Variants in AKAP13 observed in about 807,000 individuals in gnomAD.
The protein encoded by AKAP13 is A-kinase anchor protein 13.
In AKAP13, 80 loss-of-function variants were observed where a neutral mutation model predicts 264.5. The observed-to-expected ratio is 0.30, with a 90% CI of 0.25 to 0.36. The LOEUF is 0.36. AKAP13 is among the 10% of genes least tolerant of loss of function. AKAP13 has a pLI of 1.00. For missense variants in AKAP13, 3,712 were observed against 3,435.2 expected (o/e 1.08, Z -2.01); for synonymous variants, 1,380 against 1,250.2 (o/e 1.10, Z -2.19).
chr15:85,496,877 T>C (rs1567087849), intron 2 of AKAP13, among the ~76,000 whole-genome samples: 2 of 152,238 alleles, frequency 1.3e-5, no homozygotes, highest in Non-Finnish European at 2.9e-5. Context: ...TAGCTTTTGA[T>C]GGTTTTACAG....
chr15:85,521,110 C>T (rs2076807186), intron 2 of AKAP13, among the ~76,000 whole-genome samples: 1 of 152,204 alleles, frequency 6.6e-6, no homozygotes, highest in South Asian at 2.1e-4. Context: ...CTCCCCCTGC[C>T]CCTCCCCTTT....
intron 2 of AKAP13, among the ~76,000 whole-genome samples, chr15:85,520,897 TC>T (rs879394408): frequency 4.6e-5 from 7 of 152,244 alleles, no homozygotes; most frequent in Non-Finnish European, 8.8e-5. Flanking sequence ...GAGCCCAAGC[TC>T]GTCTTCTTTG....
chr15:85,387,241 CAGG>C (rs1228219257), intron 1 of AKAP13, among the ~76,000 whole-genome samples: 1 of 152,006 alleles, frequency 6.6e-6, no homozygotes, highest in Non-Finnish European at 1.5e-5. Context: ...GAGGCTGAGA[CAGG>C]AGAATTGCTT....
intron 8 of AKAP13, among the ~76,000 whole-genome samples, chr15:85,591,378 T>C (rs1004237446): frequency 3.3e-5 from 5 of 152,184 alleles, no homozygotes; most frequent in African/African-American, 1.2e-4. Flanking sequence ...GCATTATACT[T>C]TCATGCTTTT....
intron 18 of AKAP13, among the ~76,000 whole-genome samples, chr15:85,709,176 G>T (rs1721345286): frequency 6.6e-6 from 1 of 152,162 alleles, no homozygotes; most frequent in Non-Finnish European, 1.5e-5. Context: ...AAAACTGGAA[G>T]ATTTATAACC....
chr15:85,684,870 C>G lies in AKAP13; in HGVS notation c.5286C>G (p.Ser1762Arg). The G allele has an allele frequency of 6.2e-7, 1 of 1,613,648 alleles. No homozygotes were observed. Among genetic ancestry groups the G allele is most frequent in the Non-Finnish European group, 8.5e-7 (1 of 1,179,908 alleles). The change falls in exon 16 of 37, where the codon AGC (serine) becomes AGG (arginine). Residue 1762 changes from serine to arginine, a missense_variant. Ser to Arg is a moderately radical substitution (Grantham distance 110, BLOSUM62 -1). Around this residue, in one of 3 missense-constraint regions of AKAP13, gnomAD observed 2,759 missense variants for 2,411.7 expected, o/e 1.14. Coordinates refer to ENST00000394518, the MANE Select transcript of AKAP13 (RefSeq NM_007200.5). ...ATAAAATGTCTAGCAGCAAGAAGAG[C>G]AAAGTGAGTATCACTGTGGGCATTG... ...IKNKMSSSKK[S>R]KEKEKEKDKI...
At chr15:85,693,063 C>A in intron 16 of AKAP13, 2 of 724,850 alleles carry the variant, frequency 2.8e-6, no homozygotes, top group Non-Finnish European at 4.1e-6. Context: ...ACTGTTCCGC[C>A]TGCCCAGTTT....
At chr15:85,495,847 G>A (rs1389089717) in intron 2 of AKAP13, among the ~76,000 whole-genome samples, 1 of 152,124 alleles carries the variant, frequency 6.6e-6, no homozygotes, top group Non-Finnish European at 1.5e-5. Context: ...CTGGGAGGAG[G>A]CAAAACATCC....
At chr15:85,590,918 C>G (rs531891487) in intron 8 of AKAP13, among the ~76,000 whole-genome samples, 2 of 152,316 alleles carry the variant, frequency 1.3e-5, no homozygotes, top group South Asian at 4.1e-4. Flanking sequence ...TTAGTAACTT[C>G]AGATTACAAT....
intron 1 of AKAP13, among the ~76,000 whole-genome samples, chr15:85,403,857 A>AC (rs986346590): frequency 1.1e-4 from 16 of 151,804 alleles, no homozygotes; most frequent in Non-Finnish European, 1.6e-4. Flanking sequence ...CAAAAAAAAA[A>AC]AAAAAAAATC....
At chr15:85,398,664 T>G (rs928734865) in intron 1 of AKAP13, among the ~76,000 whole-genome samples, 2 of 152,144 alleles carry the variant, frequency 1.3e-5, no homozygotes, top group African/African-American at 4.8e-5. Context: ...CAAGCAACTC[T>G]CCTGCCTCAG....
chr15:85,738,422 A>G (rs891977399), intron 33 of AKAP13, among the ~76,000 whole-genome samples: 1 of 151,982 alleles, frequency 6.6e-6, no homozygotes, highest in African/African-American at 2.4e-5. Context: ...GGGGTAAAAA[A>G]TTTTCTCAGA....
chr15:85,397,563 A>G (rs1011535143), intron 1 of AKAP13, among the ~76,000 whole-genome samples: 19 of 152,348 alleles, frequency 1.2e-4, no homozygotes, highest in African/African-American at 4.6e-4. Context: ...CTAATATAAT[A>G]GCTGTCACTT....
chr15:85,498,904 G>A (rs184613987), intron 2 of AKAP13, among the ~76,000 whole-genome samples: 177 of 152,202 alleles, frequency 1.2e-3, no homozygotes, highest in African/African-American at 4.1e-3. Context: ...TTTAAAATAA[G>A]CCCTTCACAT....
At chr15:85,625,516 C>G (rs2081369144) in intron 8 of AKAP13, among the ~76,000 whole-genome samples, 1 of 151,986 alleles carries the variant, frequency 6.6e-6, no homozygotes, top group Non-Finnish European at 1.5e-5. Flanking sequence ...GAACAGGATC[C>G]CTTTAATGAA....
chr15:85,413,397 C>T (rs6497117), intron 1 of AKAP13, among the ~76,000 whole-genome samples: 82,952 of 151,628 alleles, frequency 0.55, 23,500 homozygotes, highest in African/African-American at 0.66. Context: ...GTTCAGTTGT[C>T]GTTGCTTATG....
chr15:85,418,743 A>G (rs183949362), intron 1 of AKAP13, among the ~76,000 whole-genome samples: 1 of 152,360 alleles, frequency 6.6e-6, no homozygotes, highest in East Asian at 1.9e-4. Context: ...GAGATGATGT[A>G]GGTTAAAATA....
At chr15:85,449,391 C>A (rs1053224810) in intron 1 of AKAP13, among the ~76,000 whole-genome samples, 9 of 152,122 alleles carry the variant, frequency 5.9e-5, no homozygotes, top group Non-Finnish European at 1.3e-4. Flanking sequence ...AGTTTGACTT[C>A]CTTTCTTCCT....
intron 1 of AKAP13, among the ~76,000 whole-genome samples, chr15:85,443,213 G>A (rs1486078948): frequency 6.6e-6 from 1 of 150,842 alleles, no homozygotes; most frequent in Admixed American, 6.6e-5. Context: ...ATCCCCTTAT[G>A]TCCTACTCAA....
Sources: allele counts gnomAD v4.1 joint callset (sites outside exome capture counted in the v4.1 genomes callset), GRCh38; gene constraint gnomAD v4.1.1; regional missense constraint gnomAD v4.1.1; transcripts MANE v1.5; gene names NCBI Gene and HGNC (gene_info 2026-07-23, HGNC 2026-07-21).